Variants in KIAA1671 observed in about 807,000 individuals in gnomAD.
The protein encoded by KIAA1671 is uncharacterized protein KIAA1671.
Under a neutral mutation model 131.2 loss-of-function variants are expected in KIAA1671, and 52 were observed. That is an observed-to-expected ratio of 0.40 (90% CI 0.32 to 0.50). The LOEUF (loss-of-function observed/expected upper bound fraction) is 0.50. KIAA1671 is among the 20% of genes least tolerant of loss of function. The probability of loss-of-function intolerance (pLI) is 0.73; values close to 1 mark genes in which losing one functional copy is unlikely to be tolerated. For missense variants in KIAA1671, 2,360 were observed against 2,364.2 expected (o/e 1.00, Z 0.04); for synonymous variants, 1,003 against 961.6 (o/e 1.04, Z -0.80).
rs1334832729 is a variant in KIAA1671, at chr22:25,028,485, G to C, written c.486G>C (p.Glu162Asp). ...CCGCTCTGGGGAAGGCGGTTAGTGA[G>C]GGGGCGGAGGAGGCCAAGCTAGGTG... ...SGPALGKAVS[E>D]GAEEAKLGVS... Residue 162 changes from glutamate (E) to aspartate (D), a missense_variant, in exon 3 of 13, where the codon GAG becomes GAC. Transcript: ENST00000358431. 39 of 1,549,576 alleles carry C rather than the reference G, an allele frequency of 2.5e-5. No individual in the cohort carries two copies. In the South Asian group the frequency reaches 3.6e-4, roughly 14 times the overall value.
At chr22:25,058,448 A>G (rs902850399) in intron 6 of KIAA1671, 1 of 152,086 alleles carries the variant, frequency 6.6e-6, no homozygotes, top group African/African-American at 2.4e-5. Flanking sequence ...TTTGTTTTTC[A>G]TGAGCCTGGC....
Position 25,041,277 on chromosome 22 carries a change from G to A in KIAA1671, c.4147G>A (p.Gly1383Arg). Residue 1383 changes from glycine (G) to arginine (R), a missense_variant, in exon 5 of 13, where the codon GGA (glycine) becomes AGA (arginine). Coordinates refer to ENST00000358431, the MANE Select transcript of KIAA1671 (RefSeq NM_001145206.2). ...KGTPRKSTGRGEEDSVAQWGD... is the reference protein window; with the variant it reads ...KGTPRKSTGRREEDSVAQWGD... ...GACCCCAAGGAAATCCACCGGGCGG[G>A]GAGAGGAGGACAGTGTGGCCCAGTG... 6.4e-7 allele frequency: 1 copy of A among 1,551,786 alleles called. No individual in the cohort carries two copies. The highest frequency in any genetic ancestry group is 8.7e-7 in the Non-Finnish European group (1 of 1,147,012).
intron 6 of KIAA1671, among the ~76,000 whole-genome samples, chr22:25,080,886 TGGTG>T (rs1929367674): frequency 1.3e-5 from 2 of 152,160 alleles, no homozygotes; most frequent in South Asian, 4.1e-4. Flanking sequence ...TTTTGGTTCT[TGGTG>T]GGCCTCAGTC....
At chr22:25,127,222 G>A (rs903893002) in intron 6 of KIAA1671, among the ~76,000 whole-genome samples, 1 of 152,208 alleles carries the variant, frequency 6.6e-6, no homozygotes, top group Non-Finnish European at 1.5e-5. Flanking sequence ...TAGGTGCTCA[G>A]TAGCTTCACT....
chr22:24,972,931 G>C (rs1336620818), intron 1 of KIAA1671, among the ~76,000 whole-genome samples: 1 of 152,204 alleles, frequency 6.6e-6, no homozygotes, highest in Non-Finnish European at 1.5e-5. Context: ...GGTGGCTAGG[G>C]GAGGGCTCTG....
chr22:25,167,438 C>T (rs1032756996), intron 6 of KIAA1671, among the ~76,000 whole-genome samples: 1 of 152,144 alleles, frequency 6.6e-6, no homozygotes, highest in Non-Finnish European at 1.5e-5. Context: ...CCAAAAGTCC[C>T]AGCACTTGGG....
chr22:25,072,596 A>C (rs554301067), intron 6 of KIAA1671, among the ~76,000 whole-genome samples: 1 of 152,188 alleles, frequency 6.6e-6, no homozygotes, highest in East Asian at 1.9e-4. Context: ...CTAAACTGGA[A>C]ACTCTTGCTT....
chr22:25,042,099 C>T (rs367668662), intron 5 of KIAA1671, among the ~76,000 whole-genome samples: 1 of 152,150 alleles, frequency 6.6e-6, no homozygotes, highest in Non-Finnish European at 1.5e-5. Context: ...CCTCATTTAT[C>T]AAGAGAATCT....
chr22:24,982,065 T>C (rs2123830953), intron 1 of KIAA1671, among the ~76,000 whole-genome samples: 1 of 152,014 alleles, frequency 6.6e-6, no homozygotes, highest in East Asian at 1.9e-4. Context: ...GAGTGTAGAG[T>C]CCCCCAAGCT....
chr22:25,174,390 C>G lies in KIAA1671; in HGVS notation c.4800C>G (p.Asp1600Glu). 6.4e-7 allele frequency: 1 copy of G among 1,552,030 alleles called. No individual in the cohort carries two copies. Among genetic ancestry groups the G allele is most frequent in the Non-Finnish European group, 8.7e-7 (1 of 1,147,084 alleles). The change falls in exon 8 of 13, where the codon GAC becomes GAG. Residue 1600 changes from aspartate to glutamate, a missense_variant. Asp to Glu is a conservative substitution (Grantham distance 45). Around this residue, in one of 3 missense-constraint regions of KIAA1671, gnomAD observed 1,161 missense variants for 1,204.7 expected, o/e 0.96. Transcript: ENST00000358431. ...CSRDQRSTSVDHSSTDLESTD... is the reference protein window; with the variant it reads ...CSRDQRSTSVEHSSTDLESTD... ...GGGACCAGCGGAGCACCAGCGTGGA[C>G]CACTCCAGCACTGACCTGGAATCCA... is the stretch of plus-strand genomic sequence containing the variant.
chr22:25,030,555 CA>C (rs1926230729), intron 3 of KIAA1671, among the ~76,000 whole-genome samples: 2 of 151,534 alleles, frequency 1.3e-5, no homozygotes, highest in Non-Finnish European at 2.9e-5. Flanking sequence ...CACCAAAAAA[CA>C]AAAACAAAAA....
Position 25,028,910 on chromosome 22 carries a change from A to G in KIAA1671, c.911A>G (p.Glu304Gly). Residue 304 changes from glutamate to glycine, a missense_variant, in exon 3 of 13, where the codon GAA becomes GGA. Glu to Gly is a moderately conservative substitution (Grantham distance 98, BLOSUM62 -2). This residue lies in a region of KIAA1671 where 1,185 missense variants were observed against 1,126.2 expected (regional missense o/e 1.05). Coordinates refer to ENST00000358431, the MANE Select transcript of KIAA1671 (RefSeq NM_001145206.2). ...GCCTTGCTGAGGAAGGTGGCCGATG[A>G]AGGAAGTGGACCCACAGCAGGGGAT... ...KEALLRKVAD[E>G]GSGPTAGDMA... 6.4e-7 allele frequency: 1 copy of G among 1,551,588 alleles called. No individual in the cohort carries two copies. Among genetic ancestry groups the G allele is most frequent in the Non-Finnish European group, 8.7e-7 (1 of 1,146,976 alleles).
chr22:24,992,550 C>T (rs566653981), intron 1 of KIAA1671, among the ~76,000 whole-genome samples: 53 of 152,222 alleles, frequency 3.5e-4, no homozygotes, highest in Non-Finnish European at 4.1e-4. Context: ...CGTGGTGGCT[C>T]ACTCCTGTAA....
chr22:25,184,269 G>A (rs569201852), intron 10 of KIAA1671, among the ~76,000 whole-genome samples: 38 of 152,308 alleles, frequency 2.5e-4, no homozygotes, highest in Non-Finnish European at 4.7e-4. Flanking sequence ...CTGTAAAATG[G>A]GGAAAGCCAG....
rs1343135991 is a variant in KIAA1671 at position 25,037,379 on chromosome 22, T to A, written c.1630-1381T>A. ...AAATATATATGTGTATATATGTATA[T>A]ATGTGTATATATGTATATATGTATA... On this transcript the variant is annotated intron_variant, in intron 4 of 12. Coordinates refer to ENST00000358431, the MANE Select transcript of KIAA1671 (RefSeq NM_001145206.2). Among the ~76,000 whole-genome samples the A allele has an allele frequency of 2.9e-5, 4 of 136,602 alleles. No homozygotes were observed. The East Asian group carries it at 7.7e-4, about 26-fold the overall frequency. 89.6% of individuals were successfully genotyped at this position (136,602 alleles called of 152,430 possible).
chr22:24,959,061 G>T (rs1921877703), intron 1 of KIAA1671, among the ~76,000 whole-genome samples: 1 of 151,846 alleles, frequency 6.6e-6, no homozygotes, highest in Admixed American at 6.6e-5. Context: ...TAATTCAGAG[G>T]CTGAGACAGG....
chr22:25,130,082 A>C (rs565661923), intron 6 of KIAA1671, among the ~76,000 whole-genome samples: 65 of 152,316 alleles, frequency 4.3e-4, no homozygotes, highest in Non-Finnish European at 7.5e-4. Context: ...CTCTATAAAA[A>C]TTTTTTTAAA....
chr22:25,109,473 C>T (rs1183883200), intron 6 of KIAA1671, among the ~76,000 whole-genome samples: 1 of 152,154 alleles, frequency 6.6e-6, no homozygotes, highest in African/African-American at 2.4e-5. Flanking sequence ...ATTCTGCTAA[C>T]CACACGGACC....
chr22:24,976,202 CCT>C (rs1484756663), intron 1 of KIAA1671, among the ~76,000 whole-genome samples: 2 of 152,194 alleles, frequency 1.3e-5, no homozygotes, highest in Admixed American at 1.3e-4. Context: ...TCGGCAGTTC[CCT>C]GTTTATGGAG....
Sources: gnomAD v4.1 joint callset for allele counts (sites outside exome capture counted in the v4.1 genomes callset) on GRCh38, gnomAD v4.1.1 for gene constraint, gnomAD v4.1.1 regional missense constraint, MANE v1.5 for transcripts, NCBI Gene and HGNC (gene_info 2026-07-23, HGNC 2026-07-21) for gene names.